COL5A2: variants seen among roughly 807,000 people sequenced by gnomAD.
COL5A2 encodes the protein collagen alpha-2(V) chain.
A neutral mutation model predicts 208.2 loss-of-function variants in COL5A2; 23 were observed. The observed-to-expected ratio is 0.11, with a 90% CI of 0.08 to 0.16. The LOEUF is 0.16. COL5A2 is among the 10% of genes least tolerant of loss of function. The pLI is 1.00. For missense variants in COL5A2, 1,590 were observed against 1,956.4 expected, an observed-to-expected ratio of 0.81 and a Z score of 3.53; for synonymous variants, 625 against 628.5, an observed-to-expected ratio of 0.99 and a Z score of 0.08.
chr2:189,095,892 G>T (rs1201698425), intron 6 of COL5A2: 3 of 151,952 alleles, frequency 2.0e-5, no homozygotes, highest in Non-Finnish European at 4.4e-5. Flanking sequence ...ACACTAGTGA[G>T]AAAACTCAAT....
At chr2:189,112,323 GT>G (rs1687299962) in intron 1 of COL5A2, among the ~76,000 whole-genome samples, 1 of 152,122 alleles carries the variant, frequency 6.6e-6, no homozygotes, top group Non-Finnish European at 1.5e-5. Flanking sequence ...GTTGTAATCA[GT>G]TTATGAAAGA....
intron 1 of COL5A2, among the ~76,000 whole-genome samples, chr2:189,163,980 G>C (rs1432080738): frequency 1.3e-5 from 2 of 152,202 alleles, no homozygotes; most frequent in East Asian, 3.8e-4. Flanking sequence ...ATTCATGAAA[G>C]TAACAGCCTG....
the COL5A2 span, among the ~76,000 whole-genome samples, chr2:189,351,387 G>C: frequency 6.6e-6 from 1 of 152,124 alleles, no homozygotes; most frequent in Non-Finnish European, 1.5e-5. Flanking sequence ...GTCTTTATTA[G>C]TAGGAAACCA....
chr2:189,315,125 A>G, the COL5A2 span, among the ~76,000 whole-genome samples: 1 of 152,200 alleles, frequency 6.6e-6, no homozygotes. Flanking sequence ...AGATACAACA[A>G]AAAAAGAAAA....
chr2:189,407,591 C>A, the COL5A2 span, among the ~76,000 whole-genome samples: 1 of 152,088 alleles, frequency 6.6e-6, no homozygotes, highest in African/African-American at 2.4e-5. Flanking sequence ...AACCAAAATG[C>A]TCCATCGTCC....
the COL5A2 span, among the ~76,000 whole-genome samples, chr2:189,274,360 G>A: frequency 6.6e-6 from 1 of 152,070 alleles, no homozygotes; most frequent in African/African-American, 2.4e-5. Flanking sequence ...GAAGTCTGAG[G>A]GGGTCACATC....
intron 1 of COL5A2, among the ~76,000 whole-genome samples, chr2:189,138,963 A>C (rs1472822520): frequency 1.3e-5 from 2 of 152,182 alleles, no homozygotes; most frequent in Non-Finnish European, 2.9e-5. Flanking sequence ...TAGCTACCCC[A>C]CCCTTTAAAA....
the COL5A2 span, among the ~76,000 whole-genome samples, chr2:189,417,814 G>GTA: frequency 3.6e-4 from 54 of 148,108 alleles, no homozygotes; most frequent in South Asian, 8.4e-4. Context: ...GTGTGTGTGT[G>GTA]TATATATATA....
At chr2:189,230,932 A>G in the COL5A2 span, among the ~76,000 whole-genome samples, 1 of 152,080 alleles carries the variant, frequency 6.6e-6, no homozygotes. Context: ...AAAAGGTGAA[A>G]ATAACCTAAT....
At chr2:189,320,027 C>G in the COL5A2 span, among the ~76,000 whole-genome samples, 2 of 152,208 alleles carry the variant, frequency 1.3e-5, no homozygotes, top group Admixed American at 1.3e-4. Flanking sequence ...TGTTCTGCAG[C>G]CTCCACTGCT....
upstream of COL5A2, among the ~76,000 whole-genome samples, chr2:189,226,107 G>A (rs1689415280): frequency 6.6e-6 from 1 of 152,130 alleles, no homozygotes; most frequent in Non-Finnish European, 1.5e-5. Context: ...ATGTCCGGAT[G>A]CAATAAAAGT....
chr2:189,299,304 A>T, the COL5A2 span, among the ~76,000 whole-genome samples: 1 of 152,180 alleles, frequency 6.6e-6, no homozygotes, highest in African/African-American at 2.4e-5. Flanking sequence ...AAACTGCATT[A>T]ATTTAAAGAG....
chr2:189,180,798 T>C (rs1688768911), upstream of COL5A2, among the ~76,000 whole-genome samples: 1 of 152,142 alleles, frequency 6.6e-6, no homozygotes, highest in African/African-American at 2.4e-5. Context: ...TAAGGAAAAT[T>C]ATCGATGAAC....
rs932646623 is a variant in COL5A2 at position 189,061,431 on chromosome 2, C to T, written c.2031+131G>A. ...GTTCGATTTTATCCAAATGTCTATA[C>T]TATCTACTAAAAGAGGGATGACTTT... On this transcript the variant is annotated intron_variant, in intron 30 of 53. Coordinates refer to ENST00000374866, the MANE Select transcript of COL5A2 (RefSeq NM_000393.5). 3 of 720,564 alleles carry T rather than the reference C, an allele frequency of 4.2e-6. No individual in the cohort carries two copies. The African/African-American group carries it at 5.4e-5, about 13-fold the overall frequency. The allele number at this position is 720,564 out of a possible 1,614,324, so 44.6% of individuals were successfully genotyped here.
At chr2:189,362,551 G>T in the COL5A2 span, among the ~76,000 whole-genome samples, 2 of 152,042 alleles carry the variant, frequency 1.3e-5, no homozygotes, top group African/African-American at 4.8e-5. Context: ...AGTGCAAAAT[G>T]TTCCAATTGC....
At chr2:189,085,113 CT>C in intron 11 of COL5A2, 46 bp downstream of exon 11, 1 of 1,474,666 alleles carries the variant, frequency 6.8e-7, no homozygotes, top group Non-Finnish European at 9.5e-7. Flanking sequence ...ATTTTAACCC[CT>C]TCGCCTCTTC....
At chr2:189,427,196 G>A in the COL5A2 span, among the ~76,000 whole-genome samples, 2 of 152,212 alleles carry the variant, frequency 1.3e-5, no homozygotes, top group Non-Finnish European at 2.9e-5. Context: ...TCCCTACATC[G>A]TAGCCACTCC....
intron 1 of COL5A2, among the ~76,000 whole-genome samples, chr2:189,191,145 A>AAG: frequency 7.6e-5 from 5 of 65,572 alleles, no homozygotes; most frequent in Non-Finnish European, 2.7e-4. Flanking sequence ...AACCATAAAA[A>AAG]AAAAAACAAA....
chr2:189,200,155 A>G (rs1689052883), intron 1 of COL5A2, among the ~76,000 whole-genome samples: 1 of 152,124 alleles, frequency 6.6e-6, no homozygotes, highest in African/African-American at 2.4e-5. Flanking sequence ...TGGGTTCTGT[A>G]CCATCTTTTT....
Sources: allele counts gnomAD v4.1 joint callset (sites outside exome capture counted in the v4.1 genomes callset), GRCh38; gene constraint gnomAD v4.1.1; transcripts MANE v1.5; gene names NCBI Gene and HGNC (gene_info 2026-07-23, HGNC 2026-07-21).